ZNF804B: variants seen among roughly 807,000 people sequenced by gnomAD.
ZNF804B encodes the protein zinc finger 804B.
A neutral mutation model predicts 101.4 loss-of-function variants in ZNF804B; 80 were observed. That is an observed-to-expected ratio of 0.79 (90% CI 0.66 to 0.95). The LOEUF (loss-of-function observed/expected upper bound fraction) is 0.95, where lower values mean the gene tolerates loss of function less well. ZNF804B is among the 40% of genes least tolerant of loss of function. The probability of loss-of-function intolerance (pLI) is 0.00; values close to 1 mark genes in which losing one functional copy is unlikely to be tolerated. For synonymous variants in ZNF804B, 622 were observed against 558.8 expected (o/e 1.11, Z -1.59); for missense variants, 1,673 against 1,561.9 (o/e 1.07, Z -1.20).
chr7:88,916,569 G>T (rs988326784), intron 1 of ZNF804B, among the ~76,000 whole-genome samples: 1 of 152,038 alleles, frequency 6.6e-6, no homozygotes, highest in Non-Finnish European at 1.5e-5. Flanking sequence ...TATAAAATAA[G>T]ATGTAAACAT....
chr7:88,913,659 G>A (rs1339844217), intron 1 of ZNF804B, among the ~76,000 whole-genome samples: 1 of 152,162 alleles, frequency 6.6e-6, no homozygotes, highest in Non-Finnish European at 1.5e-5. Context: ...GCCTCCCAAA[G>A]TGCTGGGATT....
At chr7:88,946,083 CTT>C (rs1160207714) in intron 1 of ZNF804B, among the ~76,000 whole-genome samples, 2 of 152,190 alleles carry the variant, frequency 1.3e-5, no homozygotes, top group African/African-American at 4.8e-5. Flanking sequence ...CACTTTATTT[CTT>C]TCTCTTGCCT....
At chr7:88,768,132 A>T (rs974776921) in intron 1 of ZNF804B, among the ~76,000 whole-genome samples, 1 of 152,236 alleles carries the variant, frequency 6.6e-6, no homozygotes, top group East Asian at 1.9e-4. Flanking sequence ...GATGAACAAT[A>T]TATTATTAGA....
intron 1 of ZNF804B, among the ~76,000 whole-genome samples, chr7:89,145,514 C>G (rs1216303937): frequency 1.3e-5 from 2 of 152,062 alleles, no homozygotes; most frequent in Non-Finnish European, 2.9e-5. Context: ...TAGGCAAGAG[C>G]AGACTCAAAC....
chr7:89,283,478 C>T (rs879199664), intron 2 of ZNF804B, among the ~76,000 whole-genome samples: 1 of 152,074 alleles, frequency 6.6e-6, no homozygotes, highest in Non-Finnish European at 1.5e-5. Flanking sequence ...GTGTGGACTA[C>T]AAATGAGCCA....
chr7:89,002,087 G>T (rs1274634863), intron 1 of ZNF804B, among the ~76,000 whole-genome samples: 1 of 151,412 alleles, frequency 6.6e-6, no homozygotes, highest in Non-Finnish European at 1.5e-5. Context: ...TATATAAAAT[G>T]TGTGAGTAAT....
chr7:88,908,853 G>A (rs1792509219), intron 1 of ZNF804B, among the ~76,000 whole-genome samples: 3 of 151,722 alleles, frequency 2.0e-5, no homozygotes, highest in South Asian at 2.1e-4. Flanking sequence ...TTAGATGCAA[G>A]TTTGCTTCTC....
intron 1 of ZNF804B, among the ~76,000 whole-genome samples, chr7:89,084,448 G>A (rs1325752643): frequency 6.6e-6 from 1 of 151,888 alleles, no homozygotes; most frequent in Non-Finnish European, 1.5e-5. Context: ...AGGCACATTG[G>A]ATACCAGATT....
chr7:88,781,799 C>A (rs1172841172), intron 1 of ZNF804B, among the ~76,000 whole-genome samples: 4 of 152,024 alleles, frequency 2.6e-5, no homozygotes, highest in Admixed American at 1.3e-4. Flanking sequence ...GAGTAGGTTC[C>A]TTTGAAAATA....
intron 1 of ZNF804B, among the ~76,000 whole-genome samples, chr7:89,185,273 A>G (rs1788358457): frequency 6.6e-6 from 1 of 152,186 alleles, no homozygotes; most frequent in Non-Finnish European, 1.5e-5. Context: ...TGAAGGAAAA[A>G]TGTAGTTTGG....
At chr7:89,259,554 C>A (rs76734572) in intron 2 of ZNF804B, among the ~76,000 whole-genome samples, 2,414 of 152,262 alleles carry the variant, frequency 0.016, 52 homozygotes, top group African/African-American at 0.055. Flanking sequence ...TCTTCTATTG[C>A]ATTGACAAGA....
At chr7:88,796,576 C>G (rs1790488799) in intron 1 of ZNF804B, among the ~76,000 whole-genome samples, 1 of 152,082 alleles carries the variant, frequency 6.6e-6, no homozygotes, top group Non-Finnish European at 1.5e-5. Flanking sequence ...CTTCTCTCCT[C>G]TCCTGGTTTC....
intron 1 of ZNF804B, among the ~76,000 whole-genome samples, chr7:88,980,545 A>G: frequency 6.6e-6 from 1 of 152,110 alleles, no homozygotes; most frequent in Non-Finnish European, 1.5e-5. Flanking sequence ...AAGACCAGTC[A>G]TGTTGTGACT....
intron 1 of ZNF804B, among the ~76,000 whole-genome samples, chr7:89,012,900 AG>A (rs1339097059): frequency 2.6e-5 from 4 of 152,226 alleles, no homozygotes; most frequent in Admixed American, 6.5e-5. Flanking sequence ...TAAAGAAAAG[AG>A]GTTTAATTGA....
chr7:88,886,923 G>A (rs1177514201), intron 1 of ZNF804B, among the ~76,000 whole-genome samples: 1 of 149,750 alleles, frequency 6.7e-6, no homozygotes, highest in Non-Finnish European at 1.5e-5. Flanking sequence ...TATTCAAGGG[G>A]AAAAACATAA....
chr7:89,265,265 AGT>A (rs71102029), intron 2 of ZNF804B, among the ~76,000 whole-genome samples: 3,316 of 145,168 alleles, frequency 0.023, 41 homozygotes, highest in African/African-American at 0.031. Flanking sequence ...AGGTTAAGTC[AGT>A]GTGTGTGTGT....
chr7:88,817,819 T>C lies in ZNF804B; in HGVS notation c.108+57735T>C, dbSNP rs1193570922. Reference sequence around the variant, plus strand: ...TTGCATTTATCCTGTATCTTACAATTTCCCCCCCTGAACTGAACTGTTATT... The same window carrying C: ...TTGCATTTATCCTGTATCTTACAATCTCCCCCCCTGAACTGAACTGTTATT... On this transcript the variant is annotated intron_variant, in intron 1 of 3. Transcript: ENST00000333190. Among the ~76,000 whole-genome samples, 4 of 152,286 alleles carry C rather than the reference T, an allele frequency of 2.6e-5. No individual in the cohort carries two copies. The South Asian group carries it at 8.3e-4, about 32-fold the overall frequency.
chr7:89,100,944 A>C (rs962102553), intron 1 of ZNF804B, among the ~76,000 whole-genome samples: 1 of 151,990 alleles, frequency 6.6e-6, no homozygotes, highest in African/African-American at 2.4e-5. Flanking sequence ...GTCTGTGTGT[A>C]TGTGTATATA....
intron 2 of ZNF804B, among the ~76,000 whole-genome samples, chr7:89,262,943 T>G (rs560559610): frequency 6.6e-6 from 1 of 151,738 alleles, no homozygotes; most frequent in South Asian, 2.1e-4. Context: ...GTCATGGTTC[T>G]GATATTTGCT....
Sources: allele counts gnomAD v4.1 joint callset (sites outside exome capture counted in the v4.1 genomes callset), GRCh38; gene constraint gnomAD v4.1.1; transcripts MANE v1.5; gene names NCBI Gene and HGNC (gene_info 2026-07-23, HGNC 2026-07-21).